Variants in HMGXB3 observed in about 807,000 individuals in gnomAD.
The protein encoded by HMGXB3 is HMG-box containing 3, also known as HMG domain-containing protein 3.
In HMGXB3, 45 loss-of-function variants were observed where a neutral mutation model predicts 121.5. That is an observed-to-expected ratio of 0.37 (90% confidence interval 0.29 to 0.47). The LOEUF is 0.47. HMGXB3 is among the 20% of genes least tolerant of loss of function. The probability of loss-of-function intolerance (pLI) is 0.99; values close to 1 mark genes in which losing one functional copy is unlikely to be tolerated. For synonymous variants in HMGXB3, 590 were observed against 624.1 expected (o/e 0.95, Z 0.81); for missense variants, 1,376 against 1,602.2 (o/e 0.86, Z 2.41).
Position 150,052,381 on chromosome 5 carries a change from G to T in HMGXB3, c.*189G>T. ...AGGGTCCTCAGTTCTCAACCCTCCAGGGGTCAGGAGTGGTACCAGGAAACC... is the reference window on the plus strand; with the variant it reads ...AGGGTCCTCAGTTCTCAACCCTCCATGGGTCAGGAGTGGTACCAGGAAACC... On this transcript the variant is annotated 3_prime_UTR_variant, in exon 20 of 20. Coordinates refer to ENST00000502717, the MANE Select transcript of HMGXB3 (RefSeq NM_014983.3). The T allele has an allele frequency of 1.7e-6, 1 of 587,970 alleles. No homozygotes were observed. The highest frequency in any genetic ancestry group is 1.9e-5 in the African/African-American group (1 of 53,900). 36.4% of individuals were successfully genotyped at this position (587,970 alleles called of 1,614,324 possible).
At chr5:150,022,025 C>T in intron 6 of HMGXB3, 1 of 331,700 alleles carries the variant, frequency 3.0e-6, no homozygotes, top group South Asian at 2.5e-5. Context: ...CTCCGCACCA[C>T]CTATGACTGT....
intron 13 of HMGXB3, among the ~76,000 whole-genome samples, chr5:150,040,458 G>C (rs962898175): frequency 3.3e-5 from 5 of 152,070 alleles, no homozygotes; most frequent in Admixed American, 1.3e-4. Context: ...TTGAACTCCT[G>C]GGCTCAAGCG....
intron 8 of HMGXB3, 46 bp downstream of exon 8, chr5:150,026,927 A>G (rs1756245230): frequency 1.3e-6 from 2 of 1,514,862 alleles, no homozygotes; most frequent in African/African-American, 1.4e-5. Context: ...TCTGACAGGA[A>G]AGGGACAGGA....
chr5:150,018,339 A>G (rs1756006546), intron 5 of HMGXB3, among the ~76,000 whole-genome samples: 1 of 152,194 alleles, frequency 6.6e-6, no homozygotes, highest in Non-Finnish European at 1.5e-5. Context: ...TCTGGTACCT[A>G]ACTGTAATGT....
intron 5 of HMGXB3, chr5:150,014,935 T>TG (rs1755926521): frequency 9.3e-6 from 9 of 969,084 alleles, no homozygotes; most frequent in Admixed American, 3.8e-5. Flanking sequence ...GGAGATCATA[T>TG]GAAATGTTCC....
chr5:150,047,027 G>C (rs1426975997), intron 16 of HMGXB3, among the ~76,000 whole-genome samples: 3 of 150,842 alleles, frequency 2.0e-5, no homozygotes, highest in African/African-American at 7.3e-5. Context: ...TGAGACTATA[G>C]GCGCACGCCA....
Position 150,027,010 on chromosome 5 carries a change from G to T in HMGXB3, c.1637-10G>T, listed in dbSNP as rs1489055600. The T allele has an allele frequency of 6.4e-7, 1 of 1,551,296 alleles. No homozygotes were observed. The highest frequency in any genetic ancestry group is 8.7e-7 in the Non-Finnish European group (1 of 1,146,854). On this transcript the variant is annotated splice_polypyrimidine_tract_variant and intron_variant, in intron 8 of 19. Transcript: ENST00000502717. ...ACTTAAGTCACCAGTTTGGCTCCTG[G>T]TTCTCTCAGATAAGACTCCCTCTGT...
At chr5:150,021,299 A>C (rs1375085225) in intron 6 of HMGXB3, among the ~76,000 whole-genome samples, 1 of 152,126 alleles carries the variant, frequency 6.6e-6, no homozygotes, top group African/African-American at 2.4e-5. Context: ...AGCTACTTCA[A>C]CTCTTTTGAG....
In HMGXB3 at chr5:150,037,382, TGA is replaced by T; in HGVS notation, c.2286-17_2286-16del. The T allele has an allele frequency of 6.6e-7, 1 of 1,513,886 alleles. No homozygotes were observed. The highest frequency in any genetic ancestry group is 2.3e-5 in the Admixed American group (1 of 44,214). The allele number at this position is 1,513,886 out of a possible 1,614,324, so 93.8% of individuals were successfully genotyped here. ...TCTTTCCCTTCTTTTTTTTTGTTGG[TGA>T]TGTTTCTGGTACTAGCTCCCTGGCT... On this transcript the variant is annotated splice_polypyrimidine_tract_variant and intron_variant, in intron 12 of 19. Transcript: ENST00000502717.
At chr5:150,046,547 T>G (rs920394262) in intron 16 of HMGXB3, among the ~76,000 whole-genome samples, 2 of 152,222 alleles carry the variant, frequency 1.3e-5, no homozygotes, top group Admixed American at 1.3e-4. Flanking sequence ...GCACGGTGGC[T>G]CACGCCTGTA....
rs1322984450 is a variant in HMGXB3 at position 150,030,802 on chromosome 5, T to C, written c.1796T>C (p.Met599Thr). ...QVKVVEVKPD[M>T]FPPYKYSCTV... ...AAAGTTGTGGAGGTCAAGCCCGATA[T>C]GTTTCCTCCATATAAGTACAGCTGC... Residue 599 changes from methionine (M) to threonine (T), a missense_variant, in exon 10 of 20, where the codon ATG becomes ACG. Met to Thr is a moderately conservative substitution (Grantham distance 81). Transcript: ENST00000502717. 6 of 1,552,138 alleles carry C rather than the reference T, an allele frequency of 3.9e-6. No individual in the cohort carries two copies. In the Middle Eastern group the frequency reaches 5.0e-4, roughly 129 times the overall value.
chr5:150,004,274 GAGAA>G (rs1463767393), intron 1 of HMGXB3, among the ~76,000 whole-genome samples: 2 of 152,038 alleles, frequency 1.3e-5, no homozygotes, highest in African/African-American at 4.8e-5. Flanking sequence ...ATACATGAGA[GAGAA>G]AGCTGAACAA....
intron 7 of HMGXB3, among the ~76,000 whole-genome samples, chr5:150,026,276 G>A (rs1046977738): frequency 6.6e-6 from 1 of 152,194 alleles, no homozygotes; most frequent in Non-Finnish European, 1.5e-5. Flanking sequence ...CTCCTCTGTG[G>A]TATAGGCCAT....
rs969864556 is a variant in HMGXB3, at chr5:150,052,937, C to T, written c.*745C>T. On this transcript the variant is annotated 3_prime_UTR_variant, in exon 20 of 20. Transcript: ENST00000502717. ...GATGTGGTCCCTGGTCATGACATAA[C>T]CTAGCAGCAGTAGGAAAAACTCCCT... is the stretch of plus-strand genomic sequence containing the variant. 6.5e-6 allele frequency: 1 copy of T among 153,174 alleles called. No homozygotes were observed. Among genetic ancestry groups the T allele is most frequent in the African/African-American group, 2.4e-5 (1 of 41,422 alleles). The allele number at this position is 153,174 out of a possible 1,614,324, so 9.5% of individuals were successfully genotyped here.
At chr5:150,030,626 G>C in intron 9 of HMGXB3, 115 bp from the exon 10 acceptor site, 1 of 771,226 alleles carries the variant, frequency 1.3e-6, no homozygotes, top group South Asian at 1.7e-5. Context: ...GGCTCATTTG[G>C]AGAATAGCTC....
intron 2 of HMGXB3, among the ~76,000 whole-genome samples, chr5:150,005,692 A>C (rs1755685638): frequency 1.3e-5 from 2 of 152,184 alleles, no homozygotes; most frequent in Non-Finnish European, 2.9e-5. Flanking sequence ...TTGTAGCTCT[A>C]ACTTCACTCT....
chr5:150,021,580 G>T, intron 6 of HMGXB3: 2 of 417,536 alleles, frequency 4.8e-6, no homozygotes, highest in Non-Finnish European at 9.3e-6. Flanking sequence ...AGCATCTGCA[G>T]TGGTGACTTG....
chr5:150,033,985 C>CT lies in HMGXB3; in HGVS notation c.1983+1383dup, dbSNP rs536174061. On this transcript the variant is annotated intron_variant, in intron 11 of 19. Transcript: ENST00000502717. Reference sequence around the variant, plus strand: ...GTGACCCTGAGTTGGAAGCTTCCCTCTCCCGAGCTTTAGTTTCTCCATTGG... The same window carrying CT: ...GTGACCCTGAGTTGGAAGCTTCCCTCTTCCCGAGCTTTAGTTTCTCCATTGG... 1.4e-3 allele frequency among the ~76,000 whole-genome samples: 207 copies of CT among 152,262 alleles called. 2 individuals carry two copies. In the South Asian group the frequency reaches 0.035, roughly 25 times the overall value.
At chr5:150,041,156 A>G (rs570683578) in intron 14 of HMGXB3, among the ~76,000 whole-genome samples, 1 of 152,326 alleles carries the variant, frequency 6.6e-6, no homozygotes, top group East Asian at 1.9e-4. Flanking sequence ...ACTTGGCCCC[A>G]TTGCATGTTA....
Sources: gnomAD v4.1 joint callset for allele counts (sites outside exome capture counted in the v4.1 genomes callset) on GRCh38, gnomAD v4.1.1 for gene constraint, MANE v1.5 for transcripts, NCBI Gene and HGNC (gene_info 2026-07-23, HGNC 2026-07-21) for gene names.